Variants in ASNS observed in about 807,000 individuals in gnomAD.
ASNS encodes asparagine synthetase [glutamine-hydrolyzing].
A neutral mutation model predicts 62.6 loss-of-function variants in ASNS; 37 were observed. The observed-to-expected ratio is 0.59, with a 90% CI of 0.45 to 0.78. The LOEUF (loss-of-function observed/expected upper bound fraction) is 0.78. ASNS is among the 30% of genes least tolerant of loss of function. The pLI is 0.00. For missense variants in ASNS, 520 were observed against 682.4 expected (o/e 0.76, Z 2.65); for synonymous variants, 207 against 237.9 (o/e 0.87, Z 1.19).
At chr7:97,899,081 T>G in the ASNS span, 1 of 537,382 alleles carries the variant, frequency 1.9e-6, no homozygotes, top group Non-Finnish European at 3.4e-6. Flanking sequence ...ACTCCCTTTT[T>G]GCCACCTTTC....
chr7:97,862,883 T>C (rs1464781334), intron 4 of ASNS, among the ~76,000 whole-genome samples: 1 of 151,814 alleles, frequency 6.6e-6, no homozygotes, highest in East Asian at 1.9e-4. Context: ...AAATGGCCAA[T>C]AAGCATAAGA....
chr7:97,912,613 C>T, the ASNS span, among the ~76,000 whole-genome samples: 10 of 134,616 alleles, frequency 7.4e-5, no homozygotes, highest in Admixed American at 1.6e-4. Flanking sequence ...GACAGAGCCT[C>T]GCTCTGTCGC....
chr7:97,864,552 T>A (rs1341635769), intron 3 of ASNS, 56 bp from the exon 4 acceptor site: 10 of 1,218,668 alleles, frequency 8.2e-6, no homozygotes, highest in Non-Finnish European at 1.2e-5. Flanking sequence ...TCACTAATAA[T>A]TTTTTATTGC....
intron 5 of ASNS, 67 bp downstream of exon 5, chr7:97,859,146 G>C: frequency 6.5e-7 from 1 of 1,533,194 alleles, no homozygotes. Flanking sequence ...CAAATGATGG[G>C]AGAATACAAC....
upstream of ASNS, among the ~76,000 whole-genome samples, chr7:97,874,179 C>T (rs1316713418): frequency 6.6e-6 from 1 of 152,144 alleles, no homozygotes; most frequent in South Asian, 2.1e-4. Flanking sequence ...TTCTCAGGGA[C>T]GTTCCATGCT....
At chr7:97,910,559 G>C in the ASNS span, among the ~76,000 whole-genome samples, 2 of 151,476 alleles carry the variant, frequency 1.3e-5, no homozygotes, top group Non-Finnish European at 1.5e-5. Flanking sequence ...AGGAGCAGGG[G>C]CCAGATGGGA....
rs1584464963 is a variant in ASNS at position 97,859,381 on chromosome 7, G to A, written c.505C>T (p.His169Tyr). ...ACTTTTAAAAAGGGAGTCGCGGAGT[G>A]CTTCAATGTAACAAGACCTAGAAAT... is the stretch of plus-strand genomic sequence containing the variant. ...SEAKGLVTLKHSATPFLKVEP... is the reference protein window; with the variant it reads ...SEAKGLVTLKYSATPFLKVEP... Residue 169 changes from histidine (H) to tyrosine (Y), a missense_variant, in exon 5 of 13, where the codon CAC becomes TAC. Coordinates refer to ENST00000394308, the MANE Select transcript of ASNS (RefSeq NM_001673.5). 3.7e-6 allele frequency: 6 copies of A among 1,609,626 alleles called. No individual in the cohort carries two copies. The East Asian group carries it at 1.3e-4, about 36-fold the overall frequency.
At chr7:97,902,803 C>A in the ASNS span, among the ~76,000 whole-genome samples, 1 of 152,138 alleles carries the variant, frequency 6.6e-6, no homozygotes, top group Non-Finnish European at 1.5e-5. Context: ...TATTACAGAC[C>A]CTTCCAGGAT....
At chr7:97,905,164 T>C in the ASNS span, among the ~76,000 whole-genome samples, 1 of 152,214 alleles carries the variant, frequency 6.6e-6, no homozygotes, top group Non-Finnish European at 1.5e-5. Flanking sequence ...TCTAGCTACA[T>C]CATGCAACTG....
At chr7:97,870,246 G>T in intron 1 of ASNS, 1 of 803,842 alleles carries the variant, frequency 1.2e-6, no homozygotes. Flanking sequence ...ATTGTACACA[G>T]AGGTCCAGAT....
Position 97,870,987 on chromosome 7 carries a change from G to A in ASNS, c.-59-1174C>T, listed in dbSNP as rs557508463. On this transcript the variant is annotated intron_variant, in intron 1 of 12. Coordinates refer to ENST00000394308, the MANE Select transcript of ASNS (RefSeq NM_001673.5). Reference sequence around the variant, plus strand: ...ATAGGAGGGCAAAGTTCCTACTGCCGCTACCTGTTCTCAATATTTTTCTTA... The same window carrying A: ...ATAGGAGGGCAAAGTTCCTACTGCCACTACCTGTTCTCAATATTTTTCTTA... Among the ~76,000 whole-genome samples, 7 of 152,188 alleles carry A rather than the reference G, an allele frequency of 4.6e-5. No individual in the cohort carries two copies. The South Asian group carries it at 1.0e-3, about 23-fold the overall frequency.
the ASNS span, among the ~76,000 whole-genome samples, chr7:97,893,801 C>T: frequency 2.0e-5 from 3 of 152,188 alleles, no homozygotes; most frequent in Admixed American, 2.0e-4. Flanking sequence ...ATCCTACTCT[C>T]AGCATTGGAC....
chr7:97,876,533 T>C (rs1176569472), upstream of ASNS, among the ~76,000 whole-genome samples: 1 of 151,382 alleles, frequency 6.6e-6, no homozygotes, highest in Non-Finnish European at 1.5e-5. Flanking sequence ...ATTCAATCGA[T>C]TCTCCTGCCT....
At chr7:97,918,464 C>T in the ASNS span, among the ~76,000 whole-genome samples, 124 of 152,256 alleles carry the variant, frequency 8.1e-4, no homozygotes, top group African/African-American at 2.7e-3. Context: ...TTAAACGAAG[C>T]GTGGTGCATC....
At chr7:97,868,415 T>A (rs947986667) in intron 3 of ASNS, among the ~76,000 whole-genome samples, 2 of 152,198 alleles carry the variant, frequency 1.3e-5, no homozygotes, top group Non-Finnish European at 2.9e-5. Flanking sequence ...AATAATGGCA[T>A]TGATGTTATG....
the ASNS span, among the ~76,000 whole-genome samples, chr7:97,926,906 G>GTC: frequency 8.6e-5 from 13 of 150,822 alleles, no homozygotes; most frequent in Non-Finnish European, 1.5e-4. Flanking sequence ...GGGTCTGTCT[G>GTC]TCTCTCTCTC....
the ASNS span, among the ~76,000 whole-genome samples, chr7:97,925,331 C>T: frequency 6.6e-6 from 1 of 152,014 alleles, no homozygotes; most frequent in Admixed American, 6.6e-5. Context: ...CAGCAGGGAC[C>T]CAAGCTCGAC....
intron 4 of ASNS, chr7:97,863,094 G>C (rs1200920783): frequency 3.3e-5 from 5 of 152,158 alleles, no homozygotes; most frequent in African/African-American, 1.2e-4. Context: ...TTCTTCAACT[G>C]AACATAGTTA....
At chr7:97,865,031 G>A (rs1272648856) in intron 3 of ASNS, among the ~76,000 whole-genome samples, 1 of 152,142 alleles carries the variant, frequency 6.6e-6, no homozygotes, top group Non-Finnish European at 1.5e-5. Flanking sequence ...ATGAAACAAA[G>A]TTTGCATACA....
Sources: gnomAD v4.1 joint callset for allele counts (sites outside exome capture counted in the v4.1 genomes callset) on GRCh38, gnomAD v4.1.1 for gene constraint, MANE v1.5 for transcripts, NCBI Gene and HGNC (gene_info 2026-07-23, HGNC 2026-07-21) for gene names.